The following ABR variants were observed in gnomAD, a reference collection of about 807,000 sequenced individuals.
ABR encodes active breakpoint cluster region-related protein.
A neutral mutation model predicts 107.2 loss-of-function variants in ABR; 35 were observed. That is an observed-to-expected ratio of 0.33 (90% CI 0.25 to 0.43). The LOEUF (loss-of-function observed/expected upper bound fraction) is 0.43. Ranked by LOEUF, ABR falls within the 20% of genes least tolerant of loss-of-function variation. The pLI is 1.00. For synonymous variants in ABR, 498 were observed against 462.0 expected, an observed-to-expected ratio of 1.08 and a Z score of -1.00; for missense variants, 815 against 1,115.2, an observed-to-expected ratio of 0.73 and a Z score of 3.83.
At chr17:1,020,955 G>C (rs1377077827) in intron 16 of ABR, among the ~76,000 whole-genome samples, 1 of 152,118 alleles carries the variant, frequency 6.6e-6, no homozygotes, top group African/African-American at 2.4e-5. Flanking sequence ...GGAGGTGGCA[G>C]AGCCCCCATT....
chr17:1,208,583 G>A (rs565505518), intron 1 of ABR, among the ~76,000 whole-genome samples: 7 of 152,250 alleles, frequency 4.6e-5, no homozygotes, highest in African/African-American at 1.7e-4. Context: ...ACTCTGTAAG[G>A]GAGAGGTTCA....
intron 4 of ABR, among the ~76,000 whole-genome samples, chr17:1,091,311 A>C (rs149784760): frequency 1.1e-3 from 160 of 151,982 alleles, no homozygotes; most frequent in Non-Finnish European, 1.9e-3. Flanking sequence ...ACCGTCCGGG[A>C]AAGACGGAGC....
At chr17:1,132,739 G>T (rs114270189) in intron 1 of ABR, among the ~76,000 whole-genome samples, 76 of 152,068 alleles carry the variant, frequency 5.0e-4, no homozygotes, top group African/African-American at 1.8e-3. Flanking sequence ...AATGTGTAAG[G>T]GAAATGAACA....
At position 1,058,769 on chromosome 17, in the gene ABR, G is replaced by A; in HGVS notation, c.1281C>T (p.Phe427=). The A allele has an allele frequency of 1.2e-6, 2 of 1,614,108 alleles. No individual in the cohort carries two copies. Among genetic ancestry groups the A allele is most frequent in the South Asian group, 1.1e-5 (1 of 91,070 alleles). ...CCTTTCCATTCCGATTGTGGATCCTGAACGGGATTGTGGGGGAGTTGAGCA... is the reference window on the plus strand; with the variant it reads ...CCTTTCCATTCCGATTGTGGATCCTAAACGGGATTGTGGGGGAGTTGAGCA... ...LLLLNSPTIP[F]RIHNRNGKSY... The change falls in exon 11 of 23, where the codon TTC becomes TTT. Residue 427 remains phenylalanine (F), a synonymous_variant. Coordinates refer to ENST00000302538, the MANE Select transcript of ABR (RefSeq NM_021962.5).
rs1411981099 is a variant in ABR at position 1,084,719 on chromosome 17, G to A, written c.532-1092C>T. Among the ~76,000 whole-genome samples the A allele has an allele frequency of 2.0e-5, 3 of 152,204 alleles. No homozygotes were observed. The highest frequency in any genetic ancestry group is 2.9e-5 in the Non-Finnish European group (2 of 68,040). ...TAGAAATTCAAATTAAAGCCATCAC[G>A]AGATATTTTATACTCATCAGAAGGG... On this transcript the variant is annotated intron_variant, in intron 4 of 22. Coordinates refer to ENST00000302538, the MANE Select transcript of ABR (RefSeq NM_021962.5). This position sits in a 1 kb window ranked among gnomAD's most constrained non-coding sequence, Gnocchi z 4.2.
Position 1,161,367 on chromosome 17 carries a change from A to G in ABR, c.61+18300T>C, listed in dbSNP as rs2041285450. ...CATGATCCTCCCACCTCAGCCTCCC[A>G]AGTAGCTTAGACTCTAGGGGCATTC... is the stretch of plus-strand genomic sequence containing the variant. On this transcript the variant is annotated intron_variant, in intron 1 of 22. Coordinates refer to ENST00000302538, the MANE Select transcript of ABR (RefSeq NM_021962.5). Among the ~76,000 whole-genome samples the G allele has an allele frequency of 2.0e-5, 3 of 151,386 alleles. No individual in the cohort carries two copies. The South Asian group carries it at 6.3e-4, about 32-fold the overall frequency.
At chr17:1,046,430 C>T (rs1433482406) in intron 16 of ABR, among the ~76,000 whole-genome samples, 1 of 152,200 alleles carries the variant, frequency 6.6e-6, no homozygotes, top group East Asian at 1.9e-4. Flanking sequence ...GCCACCACGC[C>T]TGGCTAATTT....
chr17:1,204,463 A>G (rs1356818592), intron 1 of ABR, among the ~76,000 whole-genome samples: 1 of 152,218 alleles, frequency 6.6e-6, no homozygotes. Flanking sequence ...AACAAACAAA[A>G]AAAATGAGAA....
At chr17:1,127,800 G>T (rs976428509) in intron 1 of ABR, among the ~76,000 whole-genome samples, 1 of 152,164 alleles carries the variant, frequency 6.6e-6, no homozygotes, top group Non-Finnish European at 1.5e-5. Flanking sequence ...GGGAAGGGAC[G>T]GTAGGGAAGG....
Position 1,038,511 on chromosome 17 carries a change from G to A in ABR, c.1791+11539C>T, listed in dbSNP as rs111477506. The stretch of plus-strand genomic sequence containing the variant: ...TCTGGGTCATCTTGCGTCTCCAGCC[G>A]CGCTAGGGTCTTTCCTGAAGCCAGG... On this transcript the variant is annotated intron_variant, in intron 16 of 22. Transcript: ENST00000302538. Among the ~76,000 whole-genome samples, 738 of 152,316 alleles carry A rather than the reference G, an allele frequency of 4.8e-3. 12 individuals are homozygous for A. The highest frequency in any genetic ancestry group is 0.016 in the African/African-American group (684 of 41,560).
exon 1 of ABR, chr17:1,229,134 T>A (rs2043283303): frequency 6.6e-6 from 1 of 151,350 alleles, no homozygotes; most frequent in Non-Finnish European, 1.5e-5. Context: ...CTCGTTGAAA[T>A]CCACCATCTC....
intron 1 of ABR, among the ~76,000 whole-genome samples, chr17:1,176,294 G>A (rs189160824): frequency 7.4e-4 from 113 of 152,262 alleles, no homozygotes; most frequent in African/African-American, 2.5e-3. Flanking sequence ...CTGCTGGACC[G>A]TTTCAGGGAG....
At chr17:1,204,901 C>CTTTTTTT (rs869034249) in intron 1 of ABR, among the ~76,000 whole-genome samples, 35 of 32,136 alleles carry the variant, frequency 1.1e-3, no homozygotes, top group African/African-American at 3.3e-3. Flanking sequence ...TTTTCTTTTT[C>CTTTTTTT]TTTTTTTTTT....
intron 1 of ABR, among the ~76,000 whole-genome samples, chr17:1,162,605 G>A (rs187089549): frequency 3.7e-4 from 56 of 152,258 alleles, no homozygotes; most frequent in African/African-American, 9.2e-4. Context: ...AGCTCTCCCC[G>A]CACTCCTCAG....
At chr17:1,185,156 A>T (rs975458023) in intron 1 of ABR, 2 of 152,234 alleles carry the variant, frequency 1.3e-5, no homozygotes, top group African/African-American at 2.4e-5. Flanking sequence ...TCCCAGGGCC[A>T]CTGATGATAA....
intron 1 of ABR, among the ~76,000 whole-genome samples, chr17:1,220,247 C>T (rs1386217071): frequency 6.6e-6 from 1 of 151,616 alleles, no homozygotes; most frequent in African/African-American, 2.4e-5. Context: ...ACCAAGATCA[C>T]ACCACTGCAC....
At chr17:1,134,154 T>C (rs529287749) in intron 1 of ABR, among the ~76,000 whole-genome samples, 279 of 152,296 alleles carry the variant, frequency 1.8e-3, no homozygotes, top group African/African-American at 6.3e-3. Context: ...GACTCACGCC[T>C]GTAATCCCAG....
At chr17:1,178,591 C>T (rs1338951418) in intron 1 of ABR, among the ~76,000 whole-genome samples, 3 of 150,914 alleles carry the variant, frequency 2.0e-5, no homozygotes, top group Admixed American at 1.3e-4. Context: ...AAAGAAAACG[C>T]TCCTGTTCCA....
At position 1,070,024 on chromosome 17, in the gene ABR, C is replaced by T. The variant is rs778794313; in HGVS notation, c.961G>A (p.Val321Ile). 8.7e-6 allele frequency: 14 copies of T among 1,613,162 alleles called. No individual in the cohort carries two copies. Among genetic ancestry groups the T allele is most frequent in the East Asian group, 2.2e-5 (1 of 44,796 alleles). Reference sequence around the variant, plus strand: ...AGTAGGACATCTGTAAAGAGGAAGACGTGCCGCAGCTTCCGGGAGCTCTCT... The same window carrying T: ...AGTAGGACATCTGTAAAGAGGAAGATGTGCCGCAGCTTCCGGGAGCTCTCT... ...VSESSRKLRH[V>I]FLFTDVLLCA... Residue 321 changes from valine to isoleucine, a missense_variant, in exon 9 of 23, where the codon GTC becomes ATC. By Grantham distance (29) the Val-to-Ile change is conservative (BLOSUM62 3). Coordinates refer to ENST00000302538, the MANE Select transcript of ABR (RefSeq NM_021962.5). This position sits in a 1 kb window ranked among gnomAD's most constrained non-coding sequence, Gnocchi z 4.2.
Sources: allele counts gnomAD v4.1 joint callset (sites outside exome capture counted in the v4.1 genomes callset), GRCh38; gene constraint gnomAD v4.1.1; non-coding constraint Gnocchi (gnomAD v3.1); transcripts MANE v1.5; gene names NCBI Gene and HGNC (gene_info 2026-07-23, HGNC 2026-07-21).